The following GRIN2B variants were observed in gnomAD, a reference collection of about 807,000 sequenced individuals.
GRIN2B encodes the protein glutamate receptor ionotropic, NMDA 2B.
GRIN2B carries 5 observed loss-of-function variants against 114.5 expected under a neutral mutation model. The ratio of observed to expected loss-of-function variants is 0.04; its 90% CI spans 0.02 to 0.09. GRIN2B has a LOEUF of 0.09. Among genes scored for constraint, GRIN2B ranks in the 10% least tolerant of loss-of-function variants. The probability of loss-of-function intolerance (pLI) is 1.00; values close to 1 mark genes in which losing one functional copy is unlikely to be tolerated. For synonymous variants in GRIN2B, 787 were observed against 745.1 expected, an observed-to-expected ratio of 1.06 and a Z score of -0.92; for missense variants, 1,108 against 1,943.5, an observed-to-expected ratio of 0.57 and a Z score of 8.08.
chr12:13,682,934 A>T (rs1245966087), intron 4 of GRIN2B, among the ~76,000 whole-genome samples: 1 of 152,188 alleles, frequency 6.6e-6, no homozygotes, highest in African/African-American at 2.4e-5. Context: ...AAGAAAACAG[A>T]GGAGGACTGA....
chr12:13,593,282 T>G (rs1016669715), intron 10 of GRIN2B, among the ~76,000 whole-genome samples: 4 of 152,190 alleles, frequency 2.6e-5, no homozygotes, highest in Non-Finnish European at 5.9e-5. Context: ...TCATGCTACC[T>G]GACTTCAAAC....
chr12:13,537,928 A>T lies in GRIN2B; in HGVS notation c.*24855T>A, dbSNP rs1948231957. 1 of 152,116 alleles carries T rather than the reference A, an allele frequency of 6.6e-6. No individual in the cohort carries two copies. Among genetic ancestry groups the T allele is most frequent in the African/African-American group, 2.4e-5 (1 of 41,400 alleles). The allele number at this position is 152,116 out of a possible 1,614,324, so 9.4% of individuals were successfully genotyped here. On this transcript the variant is annotated 3_prime_UTR_variant, in exon 14 of 14. Transcript: ENST00000609686. ...GGCCACAAATGATAGCTTTGGCATA[A>T]TTTTTTTGACAGGCCCTGCAGACTC...
At position 13,708,472 on chromosome 12, in the gene GRIN2B, GATTTC is replaced by G. The variant is rs1321384796; in HGVS notation, c.1011-32618_1011-32614del. On this transcript the variant is annotated intron_variant, in intron 4 of 13. Transcript: ENST00000609686. ...ATTAAAATAGAGGTGGACTATTTCT[GATTTC>G]ATTTATCATCTGTTTACATAAGACC... Among the ~76,000 whole-genome samples the G allele has an allele frequency of 2.6e-5, 4 of 152,008 alleles. No homozygotes were observed. In the East Asian group the frequency reaches 7.7e-4, roughly 29 times the overall value.
rs1948442409 is a variant in GRIN2B, at chr12:13,553,521, G to A, written c.*9262C>T. 6.6e-6 allele frequency: 1 copy of A among 152,222 alleles called. No homozygotes were observed. The highest frequency in any genetic ancestry group is 1.5e-5 in the Non-Finnish European group (1 of 68,062). The allele number at this position is 152,222 out of a possible 1,614,324, so 9.4% of individuals were successfully genotyped here. A position where few individuals can be genotyped will look rare whatever the true frequency, so the allele number is the denominator to read the frequency against. ...AGGAAAGAAATATAAAGACAAGGTG[G>A]TGACCAGCACAGACAGTTCCCCCAA... is the stretch of plus-strand genomic sequence containing the variant. On this transcript the variant is annotated 3_prime_UTR_variant, in exon 14 of 14. Transcript: ENST00000609686.
chr12:13,809,516 GGTT>G (rs1332253023), intron 3 of GRIN2B, among the ~76,000 whole-genome samples: 110 of 152,252 alleles, frequency 7.2e-4, no homozygotes, highest in African/African-American at 2.6e-3. Context: ...TTAAAATAAT[GGTT>G]GTTATGTGAC....
chr12:13,808,800 G>A (rs1864670991), intron 3 of GRIN2B, among the ~76,000 whole-genome samples: 1 of 149,590 alleles, frequency 6.7e-6, no homozygotes, highest in African/African-American at 2.5e-5. Context: ...GACTGAGGGG[G>A]TTCCCGAGCC....
intron 3 of GRIN2B, among the ~76,000 whole-genome samples, chr12:13,765,007 T>C (rs1863754277): frequency 6.6e-6 from 1 of 152,230 alleles, no homozygotes; most frequent in Non-Finnish European, 1.5e-5. Flanking sequence ...TCGTTATCTT[T>C]AGAACTGGCA....
chr12:13,589,502 T>C (rs1046979779), intron 10 of GRIN2B, among the ~76,000 whole-genome samples: 3 of 152,230 alleles, frequency 2.0e-5, no homozygotes, highest in Non-Finnish European at 2.9e-5. Flanking sequence ...ACACTAACCT[T>C]AGTACCAACA....
At chr12:13,602,542 C>T (rs913917617) in intron 10 of GRIN2B, among the ~76,000 whole-genome samples, 1 of 152,192 alleles carries the variant, frequency 6.6e-6, no homozygotes, top group Non-Finnish European at 1.5e-5. Context: ...TTTCCTCACA[C>T]ATGCTCAACA....
intron 13 of GRIN2B, among the ~76,000 whole-genome samples, chr12:13,566,250 A>G (rs908737354): frequency 2.6e-5 from 4 of 152,206 alleles, no homozygotes; most frequent in African/African-American, 9.6e-5. Flanking sequence ...ATTTGAGTCA[A>G]AGTTGGTTGG....
intron 5 of GRIN2B, among the ~76,000 whole-genome samples, chr12:13,626,144 C>G (rs1949563949): frequency 6.6e-6 from 1 of 152,134 alleles, no homozygotes; most frequent in Admixed American, 6.5e-5. Context: ...GTGCCTTCCT[C>G]CAATGAAGAC....
intron 4 of GRIN2B, among the ~76,000 whole-genome samples, chr12:13,699,593 A>AT (rs754086206): frequency 8.0e-4 from 115 of 144,616 alleles, no homozygotes; most frequent in Middle Eastern, 3.6e-3. Flanking sequence ...AAAAAAAATA[A>AT]TTTTTTTTTT....
chr12:13,618,375 A>T (rs973158405), intron 5 of GRIN2B, among the ~76,000 whole-genome samples: 1 of 152,106 alleles, frequency 6.6e-6, no homozygotes, highest in South Asian at 2.1e-4. Context: ...GAGAAGCCCT[A>T]AAGTACTTAT....
chr12:13,975,825 CTGG>C, intron 2 of GRIN2B, among the ~76,000 whole-genome samples: 1 of 152,308 alleles, frequency 6.6e-6, no homozygotes, highest in South Asian at 2.1e-4. Context: ...TGAGCACATG[CTGG>C]TGAAGACCAG....
chr12:13,691,124 T>G (rs983002808), intron 4 of GRIN2B, among the ~76,000 whole-genome samples: 2 of 152,266 alleles, frequency 1.3e-5, no homozygotes, highest in African/African-American at 4.8e-5. Flanking sequence ...AAAATCCCAT[T>G]CTCACTCCTT....
At chr12:13,672,416 A>C (rs909408397) in intron 5 of GRIN2B, among the ~76,000 whole-genome samples, 2 of 152,102 alleles carry the variant, frequency 1.3e-5, no homozygotes, top group Admixed American at 1.3e-4. Context: ...CCTGGAGTCC[A>C]CTGACACTAA....
intron 5 of GRIN2B, among the ~76,000 whole-genome samples, chr12:13,622,628 C>T (rs530046769): frequency 6.6e-6 from 1 of 151,396 alleles, no homozygotes; most frequent in East Asian, 1.9e-4. Context: ...TAAATGTATC[C>T]CTCACACTTC....
chr12:13,710,365 G>C (rs964272887), intron 4 of GRIN2B, among the ~76,000 whole-genome samples: 2 of 152,090 alleles, frequency 1.3e-5, no homozygotes, highest in African/African-American at 4.8e-5. Context: ...CATAGTGTTG[G>C]AAGTTCTGGC....
intron 2 of GRIN2B, among the ~76,000 whole-genome samples, chr12:13,948,486 A>G (rs1041574860): frequency 6.6e-6 from 1 of 152,150 alleles, no homozygotes; most frequent in Non-Finnish European, 1.5e-5. Context: ...AGATTTTTTT[A>G]TATATATCCT....
Sources: allele counts gnomAD v4.1 joint callset (sites outside exome capture counted in the v4.1 genomes callset), GRCh38; gene constraint gnomAD v4.1.1; transcripts MANE v1.5; gene names NCBI Gene and HGNC (gene_info 2026-07-23, HGNC 2026-07-21).